CPNE4: variants seen among roughly 807,000 people sequenced by gnomAD.
CPNE4 encodes the protein copine-4.
In CPNE4, 25 loss-of-function variants were observed where a neutral mutation model predicts 67.9. The observed-to-expected ratio is 0.37, with a 90% CI of 0.27 to 0.51. The LOEUF is 0.51. Ranked by LOEUF, CPNE4 falls within the 20% of genes least tolerant of loss-of-function variation. The pLI is 0.93. For synonymous variants in CPNE4, 242 were observed against 244.9 expected (o/e 0.99, Z 0.11); for missense variants, 464 against 690.8 (o/e 0.67, Z 3.68).
chr3:131,587,653 C>T lies in CPNE4; in HGVS notation c.682-71G>A, dbSNP rs1938275324. 6.3e-6 allele frequency: 7 copies of T among 1,107,728 alleles called. No individual in the cohort carries two copies. In the East Asian group the frequency reaches 1.7e-4, roughly 27 times the overall value. The allele number at this position is 1,107,728 out of a possible 1,614,324, so 68.6% of individuals were successfully genotyped here. ...CCACAGCAGCTGAAGGCAATGTTAA[C>T]TTTAGGAGAAAGAGTAGATGAAAGA... On this transcript the variant is annotated intron_variant, in intron 7 of 15. Coordinates refer to ENST00000429747, the MANE Select transcript of CPNE4 (RefSeq NM_130808.3).
At chr3:131,979,885 G>A (rs1437260587) in intron 1 of CPNE4, among the ~76,000 whole-genome samples, 4 of 152,112 alleles carry the variant, frequency 2.6e-5, no homozygotes, top group Non-Finnish European at 5.9e-5. Flanking sequence ...TGTAGGGGTG[G>A]CTTGGTAATG....
chr3:131,552,500 C>T lies in CPNE4; in HGVS notation c.1117-9G>A, dbSNP rs766558613. ...GCAAAGTCATGAGAGACCTAGACACCGATTAAAATTTAAAAAACAGGAAGA... is the reference window on the plus strand; with the variant it reads ...GCAAAGTCATGAGAGACCTAGACACTGATTAAAATTTAAAAAACAGGAAGA... On this transcript the variant is annotated splice_polypyrimidine_tract_variant and intron_variant, in intron 12 of 15. Transcript: ENST00000429747. 2 of 1,609,072 alleles carry T rather than the reference C, an allele frequency of 1.2e-6. No individual in the cohort carries two copies. The highest frequency in any genetic ancestry group is 1.7e-5 in the Admixed American group (1 of 59,772).
chr3:131,910,152 TA>T (rs2107787245), intron 1 of CPNE4, among the ~76,000 whole-genome samples: 1 of 152,190 alleles, frequency 6.6e-6, no homozygotes, highest in South Asian at 2.1e-4. Context: ...CTCAGGGCCC[TA>T]AAAGGCTTAC....
intron 7 of CPNE4, among the ~76,000 whole-genome samples, chr3:131,595,812 G>A (rs1475546068): frequency 6.6e-6 from 1 of 152,122 alleles, no homozygotes; most frequent in Non-Finnish European, 1.5e-5. Context: ...CATGAGATTT[G>A]GAAGGGATGA....
intron 1 of CPNE4, among the ~76,000 whole-genome samples, chr3:131,970,611 C>A (rs1432078269): frequency 1.3e-5 from 2 of 152,126 alleles, no homozygotes; most frequent in African/African-American, 4.8e-5. Context: ...GGTTTATAAT[C>A]TTTCCTTATG....
chr3:131,897,044 A>G (rs564943865), intron 2 of CPNE4, among the ~76,000 whole-genome samples: 2 of 152,128 alleles, frequency 1.3e-5, no homozygotes, highest in Non-Finnish European at 2.9e-5. Flanking sequence ...CCAGATTAAC[A>G]TGAAACACAT....
chr3:132,015,947 G>A (rs1188696750), intron 1 of CPNE4, among the ~76,000 whole-genome samples: 5 of 152,186 alleles, frequency 3.3e-5, no homozygotes, highest in Non-Finnish European at 7.3e-5. Flanking sequence ...TGGGGATATT[G>A]AAACTATATG....
At chr3:131,751,037 T>C (rs574781701) in intron 2 of CPNE4, among the ~76,000 whole-genome samples, 61 of 152,244 alleles carry the variant, frequency 4.0e-4, no homozygotes, top group African/African-American at 1.4e-3. Flanking sequence ...TTTTACCCTA[T>C]AGGCAAAATG....
intron 1 of CPNE4, among the ~76,000 whole-genome samples, chr3:131,963,906 C>G (rs79536521): frequency 0.045 from 6,882 of 152,272 alleles, 175 homozygotes; most frequent in East Asian, 0.092. Context: ...AAGTGGGTCC[C>G]TGACACCCGT....
At chr3:131,768,273 C>T (rs13086510) in intron 2 of CPNE4, among the ~76,000 whole-genome samples, 5,624 of 152,150 alleles carry the variant, frequency 0.037, 152 homozygotes, top group Non-Finnish European at 0.058. Flanking sequence ...ATTTCAATTT[C>T]TTTTGTTGCA....
upstream of CPNE4, among the ~76,000 whole-genome samples, chr3:132,036,431 A>G (rs77465739): frequency 0.036 from 5,515 of 152,348 alleles, 146 homozygotes; most frequent in Admixed American, 0.053. Flanking sequence ...CGAGTGAGAC[A>G]CAGGGACAAT....
chr3:131,781,627 C>A (rs2107855606), intron 2 of CPNE4, among the ~76,000 whole-genome samples: 1 of 152,126 alleles, frequency 6.6e-6, no homozygotes, highest in Non-Finnish European at 1.5e-5. Flanking sequence ...AGAAAAACAC[C>A]CATTGGGTGA....
chr3:131,968,484 T>A (rs1446011298), intron 1 of CPNE4, among the ~76,000 whole-genome samples: 4 of 152,144 alleles, frequency 2.6e-5, no homozygotes, highest in Non-Finnish European at 5.9e-5. Context: ...ATATCCAGAA[T>A]CTATGAGGAA....
At chr3:131,737,113 G>GTTTTTTTTTTTTTTTTTTTT (rs1186119702) in intron 2 of CPNE4, among the ~76,000 whole-genome samples, 1 of 82,890 alleles carries the variant, frequency 1.2e-5, no homozygotes, top group African/African-American at 4.7e-5. Flanking sequence ...GAAGTATTGT[G>GTTTTTTTTTTTTTTTTTTTT]TCTTTTTTTT....
chr3:131,850,267 C>A (rs1445867726), intron 2 of CPNE4, among the ~76,000 whole-genome samples: 1 of 152,032 alleles, frequency 6.6e-6, no homozygotes, highest in Non-Finnish European at 1.5e-5. Context: ...GTTATGACAT[C>A]TCCAGAAAAA....
chr3:131,823,041 G>A (rs990074649), intron 2 of CPNE4, among the ~76,000 whole-genome samples: 19 of 152,106 alleles, frequency 1.2e-4, no homozygotes, highest in Admixed American at 3.3e-4. Flanking sequence ...GGGTTTCACC[G>A]TGTTAGCCAG....
At chr3:132,005,773 T>C (rs2073584418) in intron 1 of CPNE4, among the ~76,000 whole-genome samples, 2 of 151,522 alleles carry the variant, frequency 1.3e-5, no homozygotes, top group South Asian at 2.1e-4. Context: ...AGGTTTTGCA[T>C]CCTGCATTTA....
intron 14 of CPNE4, among the ~76,000 whole-genome samples, chr3:131,546,436 T>C (rs968240625): frequency 6.6e-6 from 1 of 152,166 alleles, no homozygotes; most frequent in Non-Finnish European, 1.5e-5. Flanking sequence ...GAAAATCCTA[T>C]AGCAACAGAC....
At chr3:131,545,058 C>T (rs538614844) in intron 14 of CPNE4, among the ~76,000 whole-genome samples, 2 of 152,306 alleles carry the variant, frequency 1.3e-5, no homozygotes, top group Non-Finnish European at 2.9e-5. Context: ...GTATTTTAGG[C>T]TTTGTAGACC....
Sources: gnomAD v4.1 joint callset for allele counts (sites outside exome capture counted in the v4.1 genomes callset) on GRCh38, gnomAD v4.1.1 for gene constraint, MANE v1.5 for transcripts, NCBI Gene and HGNC (gene_info 2026-07-23, HGNC 2026-07-21) for gene names.